BMPR1B: variants seen among roughly 807,000 people sequenced by gnomAD.
BMPR1B encodes bone morphogenetic protein receptor type 1B.
A neutral mutation model predicts 59.1 loss-of-function variants in BMPR1B; 12 were observed. That is an observed-to-expected ratio of 0.20 (90% CI 0.13 to 0.33). The LOEUF (loss-of-function observed/expected upper bound fraction) is 0.33. Ranked by LOEUF, BMPR1B falls within the 10% of genes least tolerant of loss-of-function variation. BMPR1B has a pLI of 1.00. For missense variants in BMPR1B, 550 were observed against 610.9 expected (o/e 0.90, Z 1.05); for synonymous variants, 237 against 207.3 (o/e 1.14, Z -1.23).
At chr4:94,919,525 A>C (rs1728611127) in intron 2 of BMPR1B, among the ~76,000 whole-genome samples, 1 of 151,842 alleles carries the variant, frequency 6.6e-6, no homozygotes, top group Non-Finnish European at 1.5e-5. Context: ...ACACCTCATT[A>C]CTACCCCCTT....
chr4:94,830,818 G>A (rs1415389287), intron 1 of BMPR1B, among the ~76,000 whole-genome samples: 3 of 152,112 alleles, frequency 2.0e-5, no homozygotes, highest in Admixed American at 6.6e-5. Flanking sequence ...AGCACGACAC[G>A]TTACTCACCT....
chr4:94,902,087 G>GTGTGTGTGTGTGTGTGTGT (rs1491111955), intron 2 of BMPR1B, among the ~76,000 whole-genome samples: 1 of 128,586 alleles, frequency 7.8e-6, no homozygotes, highest in Admixed American at 7.6e-5. Context: ...GTGTGTGTGT[G>GTGTGTGTGTGTGTGTGTGT]GGGTGTATTT....
chr4:94,879,272 C>T (rs976687247), intron 2 of BMPR1B, among the ~76,000 whole-genome samples: 4 of 152,146 alleles, frequency 2.6e-5, no homozygotes, highest in Admixed American at 6.6e-5. Flanking sequence ...TAGAAAAGAA[C>T]AAGGGACTCT....
At chr4:94,789,159 T>C (rs1292647478) in intron 1 of BMPR1B, among the ~76,000 whole-genome samples, 1 of 152,166 alleles carries the variant, frequency 6.6e-6, no homozygotes, top group Non-Finnish European at 1.5e-5. Flanking sequence ...TCGTTGCACA[T>C]CACAATCCGA....
At chr4:94,912,978 C>A (rs556660854) in intron 2 of BMPR1B, among the ~76,000 whole-genome samples, 1 of 151,574 alleles carries the variant, frequency 6.6e-6, no homozygotes, top group Admixed American at 6.6e-5. Flanking sequence ...TTTTTTCCAG[C>A]CAATTTTCAA....
chr4:94,987,447 C>T (rs945222965), intron 2 of BMPR1B, among the ~76,000 whole-genome samples: 1 of 151,586 alleles, frequency 6.6e-6, no homozygotes, highest in Non-Finnish European at 1.5e-5. Flanking sequence ...GTGATATTTT[C>T]TGAGCTACTG....
chr4:95,017,962 C>T (rs1305067119), intron 3 of BMPR1B, among the ~76,000 whole-genome samples: 1 of 152,090 alleles, frequency 6.6e-6, no homozygotes, highest in Non-Finnish European at 1.5e-5. Flanking sequence ...TTTCTGTGGG[C>T]AAAATTCCTC....
chr4:95,070,695 A>G (rs879901249), intron 3 of BMPR1B, among the ~76,000 whole-genome samples: 6 of 152,180 alleles, frequency 3.9e-5, no homozygotes, highest in Admixed American at 2.0e-4. Context: ...ACCCATATGT[A>G]ACTCACTGTG....
chr4:94,940,776 A>G (rs762227776), intron 2 of BMPR1B, among the ~76,000 whole-genome samples: 6 of 152,184 alleles, frequency 3.9e-5, no homozygotes, highest in Non-Finnish European at 8.8e-5. Context: ...GGTCTCCAGA[A>G]TAGAGCCCCG....
intron 4 of BMPR1B, among the ~76,000 whole-genome samples, chr4:95,109,524 T>C (rs1731457772): frequency 6.6e-6 from 1 of 152,092 alleles, no homozygotes; most frequent in Admixed American, 6.6e-5. Context: ...CCAGCTTGTT[T>C]GCACGTTTTA....
At chr4:94,910,814 A>G (rs1728244392) in intron 2 of BMPR1B, among the ~76,000 whole-genome samples, 2 of 152,026 alleles carry the variant, frequency 1.3e-5, no homozygotes, top group African/African-American at 4.8e-5. Flanking sequence ...CAGGAGGCGG[A>G]GGCAGGAGGA....
At chr4:95,023,548 AT>A (rs33940639) in intron 3 of BMPR1B, among the ~76,000 whole-genome samples, 100,112 of 149,208 alleles carry the variant, frequency 0.67, 33,690 homozygotes, top group Middle Eastern at 0.77. Flanking sequence ...TGCCTGGCTA[AT>A]TTTTTTTTTT....
At chr4:94,825,557 G>A (rs1385608195) in intron 1 of BMPR1B, among the ~76,000 whole-genome samples, 1 of 151,688 alleles carries the variant, frequency 6.6e-6, no homozygotes, top group Admixed American at 6.6e-5. Context: ...TTTTTTTTAA[G>A]ATGGGAAAAA....
At chr4:95,099,701 C>G (rs1392445570) in intron 3 of BMPR1B, among the ~76,000 whole-genome samples, 1 of 152,182 alleles carries the variant, frequency 6.6e-6, no homozygotes, top group African/African-American at 2.4e-5. Context: ...CTCCCAAATT[C>G]TCCTTTCCGC....
chr4:94,823,329 C>T (rs10017538), intron 1 of BMPR1B, among the ~76,000 whole-genome samples: 119,953 of 152,064 alleles, frequency 0.79, 47,580 homozygotes, highest in East Asian at 0.91. Context: ...AGTGGGAGAA[C>T]GGATGTGGTA....
intron 3 of BMPR1B, among the ~76,000 whole-genome samples, chr4:95,093,435 A>G (rs1024872494): frequency 6.3e-4 from 1 of 1,584 alleles, no homozygotes; most frequent in Non-Finnish European, 1.7e-3. Context: ...TTATAATTCT[A>G]TGTCTGCTGA....
chr4:95,046,211 C>T (rs1269061032), intron 3 of BMPR1B, among the ~76,000 whole-genome samples: 1 of 152,048 alleles, frequency 6.6e-6, no homozygotes, highest in Non-Finnish European at 1.5e-5. Context: ...CTGTGTCCGG[C>T]TTTAATTGAA....
chr4:94,936,487 T>G (rs1200333705), intron 2 of BMPR1B, among the ~76,000 whole-genome samples: 3 of 151,980 alleles, frequency 2.0e-5, no homozygotes, highest in Non-Finnish European at 2.9e-5. Flanking sequence ...TGACAGGTTT[T>G]TTGTTGTTGT....
intron 2 of BMPR1B, among the ~76,000 whole-genome samples, chr4:94,993,628 G>C (rs543006920): frequency 6.6e-6 from 1 of 151,982 alleles, no homozygotes; most frequent in African/African-American, 2.4e-5. Context: ...AGGTATGGTG[G>C]CACATGCCTG....
Sources: gnomAD v4.1 joint callset for allele counts (sites outside exome capture counted in the v4.1 genomes callset) on GRCh38, gnomAD v4.1.1 for gene constraint, MANE v1.5 for transcripts, NCBI Gene and HGNC (gene_info 2026-07-23, HGNC 2026-07-21) for gene names.